Variants in TUBB8B observed in about 807,000 individuals in gnomAD.
TUBB8B encodes the protein tubulin beta 8B, also known as HSA18p11 beta-tubulin 4Q pseudogene.
A neutral mutation model predicts 31.9 loss-of-function variants in TUBB8B; 26 were observed. The ratio of observed to expected loss-of-function variants is 0.81; its 90% CI spans 0.60 to 1.13. The LOEUF (loss-of-function observed/expected upper bound fraction) is 1.13. Ranked by LOEUF, TUBB8B falls within the 50% of genes most tolerant of loss-of-function variation. TUBB8B has a pLI of 0.00. For synonymous variants in TUBB8B, 173 were observed against 231.0 expected, an observed-to-expected ratio of 0.75 and a Z score of 2.28; for missense variants, 467 against 586.7, an observed-to-expected ratio of 0.80 and a Z score of 2.11.
chr18:71,568 T>TA, the TUBB8B span, among the ~76,000 whole-genome samples: 414 of 78,462 alleles, frequency 5.3e-3, 4 homozygotes, highest in East Asian at 0.012. Flanking sequence ...AAAAAAAAAT[T>TA]TAAAAAAAAA....
the TUBB8B span, among the ~76,000 whole-genome samples, chr18:68,054 T>C: frequency 0.25 from 31,269 of 123,548 alleles, 3,213 homozygotes; most frequent in African/African-American, 0.42. Flanking sequence ...TCCAGACTCT[T>C]ACCGGGGTGC....
At chr18:64,765 C>T in the TUBB8B span, among the ~76,000 whole-genome samples, 10 of 152,080 alleles carry the variant, frequency 6.6e-5, no homozygotes, top group Admixed American at 1.3e-4. Flanking sequence ...AGGCTACAGG[C>T]GCTCTCTTGT....
At chr18:51,549 C>T (rs1367502088), upstream of TUBB8B, among the ~76,000 whole-genome samples, 3 of 151,998 alleles carry the variant, frequency 2.0e-5, no homozygotes, top group Non-Finnish European at 4.4e-5. Flanking sequence ...AAGCGATTCT[C>T]CTGTCTCAGC....
At chr18:49,668 A>T (rs1465236286), upstream of TUBB8B, 67 of 710,336 alleles carry the variant, frequency 9.4e-5, no homozygotes, top group Admixed American at 1.3e-3. Context: ...CACCTCCCTC[A>T]GCCTCCGATT....
chr18:69,266 C>T, the TUBB8B span, among the ~76,000 whole-genome samples: 1 of 152,072 alleles, frequency 6.6e-6, no homozygotes, highest in African/African-American at 2.4e-5. Flanking sequence ...GGTCTGAGGC[C>T]AGCCTGGGCA....
intron 1 of TUBB8B, 71 bp from the exon 2 acceptor site, chr18:49,308 C>G (rs1905944034): frequency 1.5e-6 from 2 of 1,351,500 alleles, no homozygotes; most frequent in Non-Finnish European, 2.0e-6. Context: ...TCTCCCACCC[C>G]CACCCGCACC....
upstream of TUBB8B, among the ~76,000 whole-genome samples, chr18:50,972 C>A (rs1388296279): frequency 6.6e-6 from 1 of 151,824 alleles, no homozygotes; most frequent in Non-Finnish European, 1.5e-5. Context: ...CCACCCATTC[C>A]AAATTGCAGC....
rs200634579 is a variant in TUBB8B, at chr18:48,228, G to T, written c.497C>A (p.Thr166Lys). 49 of 1,590,470 alleles carry T rather than the reference G, an allele frequency of 3.1e-5. No individual in the cohort carries two copies. Among genetic ancestry groups the T allele is most frequent in the Non-Finnish European group, 4.0e-5 (47 of 1,176,138 alleles). Residue 166 changes from threonine (T) to lysine (K), a missense_variant, in exon 4 of 4, where the codon ACA (threonine) becomes AAA (lysine). Physicochemically the swap from Thr to Lys is moderately conservative, Grantham distance 78. Transcript: ENST00000308911. ...CTTGGGCGAGGGCAGGATGCTGAAT[G>T]TGTTTATGATCCTGTCTGGGTACTC... The part of the protein sequence containing the change: ...REEYPDRIIN[T>K]FSILPSPKVS...
chr18:53,926 G>C (rs1462402486), upstream of TUBB8B, among the ~76,000 whole-genome samples: 1 of 151,644 alleles, frequency 6.6e-6, no homozygotes, highest in African/African-American at 2.4e-5. Context: ...AATTTAATAA[G>C]GCCATACCTC....
upstream of TUBB8B, among the ~76,000 whole-genome samples, chr18:52,023 G>A (rs1452254015): frequency 1.3e-5 from 2 of 151,140 alleles, no homozygotes; most frequent in African/African-American, 4.8e-5. Context: ...CTGGAGGGTC[G>A]GTCTAGCAAT....
intron 1 of TUBB8B, 99 bp downstream of exon 1, chr18:49,402 C>T: frequency 1.2e-6 from 1 of 826,740 alleles, no homozygotes; most frequent in Admixed American, 2.3e-5. Context: ...GCAGGGAGCC[C>T]AGGGGCCGCA....
the TUBB8B span, among the ~76,000 whole-genome samples, chr18:63,019 T>G: frequency 2.0e-5 from 3 of 151,862 alleles, no homozygotes; most frequent in African/African-American, 7.2e-5. Context: ...TCTGATAGAA[T>G]TTTGAATTCC....
the TUBB8B span, among the ~76,000 whole-genome samples, chr18:69,295 T>C: frequency 2.6e-5 from 4 of 151,968 alleles, no homozygotes; most frequent in Non-Finnish European, 2.9e-5. Flanking sequence ...AAACCTCATC[T>C]CTACAAAAAA....
At chr18:63,576 T>A in the TUBB8B span, among the ~76,000 whole-genome samples, 4 of 151,184 alleles carry the variant, frequency 2.6e-5, no homozygotes, top group African/African-American at 9.7e-5. Flanking sequence ...CAAGGCCCAC[T>A]GTAACGACAA....
chr18:57,250 A>G, the TUBB8B span, among the ~76,000 whole-genome samples: 10 of 151,816 alleles, frequency 6.6e-5, no homozygotes, highest in Non-Finnish European at 1.0e-4. Context: ...AGTCTCATCT[A>G]AGACAAAGCT....
the TUBB8B span, among the ~76,000 whole-genome samples, chr18:72,187 A>ACC: frequency 1.3e-5 from 2 of 148,548 alleles, no homozygotes; most frequent in African/African-American, 2.5e-5. Flanking sequence ...CAAAAAAAAA[A>ACC]AAAAAAAAAA....
At chr18:62,623 G>C in the TUBB8B span, among the ~76,000 whole-genome samples, 2 of 151,424 alleles carry the variant, frequency 1.3e-5, no homozygotes, top group African/African-American at 4.8e-5. Context: ...GTGTTTCACT[G>C]TGTTAGCCAG....
At chr18:57,505 A>G in the TUBB8B span, among the ~76,000 whole-genome samples, 1 of 151,832 alleles carries the variant, frequency 6.6e-6, no homozygotes, top group Non-Finnish European at 1.5e-5. Flanking sequence ...TGGGACGTTT[A>G]GACCTTGTGG....
chr18:51,573 G>T (rs2144067183), upstream of TUBB8B, among the ~76,000 whole-genome samples: 1 of 152,078 alleles, frequency 6.6e-6, no homozygotes, highest in South Asian at 2.1e-4. Flanking sequence ...CCGAGTAGCT[G>T]GGATTACAGG....
Sources: allele counts gnomAD v4.1 joint callset (sites outside exome capture counted in the v4.1 genomes callset), GRCh38; gene constraint gnomAD v4.1.1; transcripts MANE v1.5; gene names NCBI Gene and HGNC (gene_info 2026-07-23, HGNC 2026-07-21).